USF3: variants seen among roughly 807,000 people sequenced by gnomAD.
USF3 encodes the protein upstream transcription factor family member 3, also known as basic helix-loop-helix domain-containing protein USF3.
USF3 carries 29 observed loss-of-function variants against 157.5 expected under a neutral mutation model. That is an observed-to-expected ratio of 0.18 (90% CI 0.14 to 0.25). The LOEUF (loss-of-function observed/expected upper bound fraction) is 0.25, where lower values mean the gene tolerates loss of function less well. USF3 is among the 10% of genes least tolerant of loss of function. The probability of loss-of-function intolerance (pLI) is 1.00; values close to 1 mark genes in which losing one functional copy is unlikely to be tolerated. For synonymous variants in USF3, 893 were observed against 941.4 expected (o/e 0.95, Z 0.94); for missense variants, 2,381 against 2,667.6 (o/e 0.89, Z 2.37).
intron 6 of USF3, among the ~76,000 whole-genome samples, chr3:113,662,735 AGCTAACATTTAT>A (rs1286704904): frequency 2.0e-5 from 3 of 152,136 alleles, no homozygotes; most frequent in African/African-American, 7.2e-5. Context: ...CAACTATAAC[AGCTAACATTTAT>A]CAAGCAATTA....
rs551327269 is a variant in USF3, at chr3:113,649,517, G to GT, written c.*5426dup. The GT allele has an allele frequency of 2.1e-3, 547 of 258,430 alleles. 1 individual carries two copies. Among genetic ancestry groups the GT allele is most frequent in the East Asian group, 7.4e-3 (111 of 15,056 alleles). The allele number at this position is 258,430 out of a possible 1,614,324, so 16.0% of individuals were successfully genotyped here. A position where few individuals can be genotyped will look rare whatever the true frequency, so the allele number is the denominator to read the frequency against. On this transcript the variant is annotated 3_prime_UTR_variant, in exon 7 of 7. Transcript: ENST00000316407. ...CTACTAGGTTTTTTTTTTGTTTTTT[G>GT]TTTTTTTTTACAAATCAACATCAAA...
At chr3:113,664,020 AATAAAGGAGAT>A (rs1427760854) in intron 6 of USF3, among the ~76,000 whole-genome samples, 1 of 152,316 alleles carries the variant, frequency 6.6e-6, no homozygotes, top group South Asian at 2.1e-4. Flanking sequence ...GTCCAATTGG[AATAAAGGAGAT>A]TTAGCATTAC....
chr3:113,680,050 TTTC>T (rs1242686234), intron 1 of USF3, among the ~76,000 whole-genome samples: 5 of 147,242 alleles, frequency 3.4e-5, no homozygotes, highest in Non-Finnish European at 6.0e-5. Context: ...GGCCTGTAGT[TTTC>T]TTTTTTTTTT....
intron 1 of USF3, among the ~76,000 whole-genome samples, chr3:113,681,210 C>T (rs1332032800): frequency 6.6e-6 from 1 of 151,846 alleles, no homozygotes; most frequent in African/African-American, 2.4e-5. Context: ...AACTCCTGAC[C>T]CCAGGTGATC....
At position 113,656,011 on chromosome 3, in the gene USF3, T is replaced by C. The variant is rs545320024; in HGVS notation, c.5671A>G (p.Ser1891Gly). The C allele has an allele frequency of 3.7e-6, 6 of 1,614,262 alleles. No individual in the cohort carries two copies. The East Asian group carries it at 8.9e-5, about 24-fold the overall frequency. Residue 1891 changes from serine to glycine, a missense_variant, in exon 7 of 7, where the codon AGC (serine) becomes GGC (glycine). Ser to Gly is a moderately conservative substitution (Grantham distance 56). Transcript: ENST00000316407. ...CTTGAAAAAGGAATATTCAAGGTGC[T>C]GTTCCTGGTGTTAATTGCACCTAAC... ...MSLGAINTRN[S>G]TLNIPFSSSS...
rs1158881040 is a variant in USF3 at position 113,649,080 on chromosome 3, T to C, written c.*5864A>G. 1.3e-5 allele frequency: 2 copies of C among 152,522 alleles called. No individual in the cohort carries two copies. The highest frequency in any genetic ancestry group is 2.4e-5 in the African/African-American group (1 of 41,400). 9.4% of individuals were successfully genotyped at this position (152,522 alleles called of 1,614,324 possible). On this transcript the variant is annotated 3_prime_UTR_variant, in exon 7 of 7. Coordinates refer to ENST00000316407, the MANE Select transcript of USF3 (RefSeq NM_001009899.4). ...AGTGACTTCACAGATGAAAAATGAT[T>C]TGAAGACTTCAGGGGTGGGAGCACA... is the stretch of plus-strand genomic sequence containing the variant.
Position 113,656,109 on chromosome 3 carries a change from C to G in USF3, c.5573G>C (p.Cys1858Ser), listed in dbSNP as rs200916613. ...CGPSSAIEYNCPPTHENVHIR... is the reference protein window; with the variant it reads ...CGPSSAIEYNSPPTHENVHIR... ...ATGGACATTTTCATGAGTTGGGGGA[C>G]AATTATATTCAATTGCAGAGGATGG... Residue 1858 changes from cysteine to serine, a missense_variant, in exon 7 of 7, where the codon TGT becomes TCT. This residue lies in a region of USF3 where 770 missense variants were observed against 824.2 expected (regional missense o/e 0.93). Coordinates refer to ENST00000316407, the MANE Select transcript of USF3 (RefSeq NM_001009899.4). The G allele has an allele frequency of 6.2e-7, 1 of 1,614,100 alleles. No individual in the cohort carries two copies. The highest frequency in any genetic ancestry group is 1.7e-5 in the Admixed American group (1 of 60,014).
At position 113,649,504 on chromosome 3, in the gene USF3, TTTTTTG is replaced by T; in HGVS notation, c.*5434_*5439del. ...AACAGGAGTTTTGCTACTAGGTTTT[TTTTTTG>T]TTTTTTGTTTTTTTTTACAAATCAA... On this transcript the variant is annotated 3_prime_UTR_variant, in exon 7 of 7. Transcript: ENST00000316407. 4.0e-6 allele frequency: 1 copy of T among 247,022 alleles called. No homozygotes were observed. Among genetic ancestry groups the T allele is most frequent in the South Asian group, 1.6e-4 (1 of 6,066 alleles). The allele number at this position is 247,022 out of a possible 1,614,324, so 15.3% of individuals were successfully genotyped here.
chr3:113,685,325 G>C (rs1707523500), intron 1 of USF3, among the ~76,000 whole-genome samples: 1 of 152,090 alleles, frequency 6.6e-6, no homozygotes, highest in South Asian at 2.1e-4. Flanking sequence ...ATTGGGTTTC[G>C]CCCAAGGCCT....
intron 5 of USF3, among the ~76,000 whole-genome samples, chr3:113,668,496 T>C (rs866978048): frequency 2.6e-5 from 4 of 152,082 alleles, no homozygotes. Flanking sequence ...TGATATGTTT[T>C]AGTTCCACAA....
rs569615694 is a variant in USF3, at chr3:113,680,431, C to T, written c.-134-3034G>A. 2.0e-5 allele frequency among the ~76,000 whole-genome samples: 3 copies of T among 151,800 alleles called. No individual in the cohort carries two copies. The East Asian group carries it at 5.8e-4, about 29-fold the overall frequency. On this transcript the variant is annotated intron_variant, in intron 1 of 6. Transcript: ENST00000316407. Reference sequence around the variant, plus strand: ...TGATCCTTTGAATTTCTGTGGTATCCAATGTACTGTCTACTTTTTCATTTT... The same window carrying T: ...TGATCCTTTGAATTTCTGTGGTATCTAATGTACTGTCTACTTTTTCATTTT...
chr3:113,659,337 T>C lies in USF3; in HGVS notation c.2345A>G (p.Asn782Ser). 6.2e-7 allele frequency: 1 copy of C among 1,614,242 alleles called. No individual in the cohort carries two copies. The highest frequency in any genetic ancestry group is 8.5e-7 in the Non-Finnish European group (1 of 1,180,030). Residue 782 changes from asparagine to serine, a missense_variant, in exon 7 of 7, where the codon AAC becomes AGC. By Grantham distance (46) the Asn-to-Ser change is conservative (BLOSUM62 1). Coordinates refer to ENST00000316407, the MANE Select transcript of USF3 (RefSeq NM_001009899.4). ...TYNLVSTSSM[N>S]TVACLPNMKS... ...CATGTTAGGCAAACAAGCAACAGTG[T>C]TCATTGAGGAAGTACTCACTAGATT...
At chr3:113,668,881 A>T (rs1707075175) in intron 5 of USF3, among the ~76,000 whole-genome samples, 3 of 152,172 alleles carry the variant, frequency 2.0e-5, no homozygotes, top group Admixed American at 1.3e-4. Context: ...CAACTGGTTG[A>T]GAATGAAAAA....
In USF3 at chr3:113,660,292, TAGTACCAGACTC is replaced by T. The variant is rs1197479341; in HGVS notation, c.1378_1389del (p.Glu460_Thr463del). The T allele has an allele frequency of 6.2e-7, 1 of 1,614,102 alleles. No homozygotes were observed. The highest frequency in any genetic ancestry group is 1.3e-5 in the African/African-American group (1 of 74,942). ...CTACTGTGGTTGCTTGTGGTGGGGC[TAGTACCAGACTC>T]ATTTAATACTGGAGTCACAGCAGAA... On this transcript the variant is annotated inframe_deletion, in exon 7 of 7. Coordinates refer to ENST00000316407, the MANE Select transcript of USF3 (RefSeq NM_001009899.4).
At position 113,659,589 on chromosome 3, in the gene USF3, T is replaced by A; in HGVS notation, c.2093A>T (p.Asp698Val). Residue 698 changes from aspartate to valine, a missense_variant, in exon 7 of 7, where the codon GAT becomes GTT. By Grantham distance (152) the Asp-to-Val change is radical. Transcript: ENST00000316407. ...MQIIQPTTSEDPNTNVALNTF... is the reference protein window; with the variant it reads ...MQIIQPTTSEVPNTNVALNTF... ...ATTCAGGGCAACATTGGTATTTGGA[T>A]CTTCGCTGGTGGTGGGTTGAATAAT... 1 of 1,614,050 alleles carries A rather than the reference T, an allele frequency of 6.2e-7. No homozygotes were observed. The highest frequency in any genetic ancestry group is 8.5e-7 in the Non-Finnish European group (1 of 1,179,878).
rs1172969976 is a variant in USF3 at position 113,660,889 on chromosome 3, G to A, written c.793C>T (p.Pro265Ser). The A allele has an allele frequency of 2.2e-5, 36 of 1,614,098 alleles. No homozygotes were observed. The highest frequency in any genetic ancestry group is 3.1e-5 in the Non-Finnish European group (36 of 1,179,976). ...GTGTGCAAAGAATGATGTTGGTGAG[G>A]CTCAGATTCAATTGAAACAGCAATC... ...SLIAVSIESE[P>S]HQHHSLHTCL... Residue 265 changes from proline to serine, a missense_variant, in exon 7 of 7, where the codon CCT (proline) becomes TCT (serine). Pro to Ser is a moderately conservative substitution (Grantham distance 74). This residue lies in a region of USF3 where 1,435 missense variants were observed against 1,550.9 expected (regional missense o/e 0.93). Coordinates refer to ENST00000316407, the MANE Select transcript of USF3 (RefSeq NM_001009899.4).
Position 113,654,518 on chromosome 3 carries a change from G to C in USF3, c.*426C>G, listed in dbSNP as rs1330624159. On this transcript the variant is annotated 3_prime_UTR_variant, in exon 7 of 7. Transcript: ENST00000316407. Reference sequence around the variant, plus strand: ...CTGTTCTAGATGCTGACATTAGCCAGCACTTGATTATGAGCCACTGTGTTT... The same window carrying C: ...CTGTTCTAGATGCTGACATTAGCCACCACTTGATTATGAGCCACTGTGTTT... The C allele has an allele frequency of 6.2e-6, 1 of 161,424 alleles. No homozygotes were observed. Among genetic ancestry groups the C allele is most frequent in the Non-Finnish European group, 1.3e-5 (1 of 74,312 alleles). 10.0% of individuals were successfully genotyped at this position (161,424 alleles called of 1,614,324 possible).
intron 5 of USF3, 34 bp from the exon 6 acceptor site, chr3:113,664,443 C>T: frequency 8.3e-7 from 1 of 1,203,850 alleles, no homozygotes; most frequent in Middle Eastern, 2.0e-4. Flanking sequence ...TTACAAGTTT[C>T]ACTGAAGGGT....
Position 113,653,191 on chromosome 3 carries a change from T to C in USF3, c.*1753A>G, listed in dbSNP as rs574011655. 1.9e-4 allele frequency: 32 copies of C among 164,198 alleles called. No homozygotes were observed. The East Asian group carries it at 4.3e-3, about 22-fold the overall frequency. 10.2% of individuals were successfully genotyped at this position (164,198 alleles called of 1,614,324 possible). A position where few individuals can be genotyped will look rare whatever the true frequency, so the allele number is the denominator to read the frequency against. ...AGAATATAACAAGAACAAAAAGTAA[T>C]GGACTTCACAGGTTTAAGAAAAGGA... On this transcript the variant is annotated 3_prime_UTR_variant, in exon 7 of 7. Coordinates refer to ENST00000316407, the MANE Select transcript of USF3 (RefSeq NM_001009899.4).
Sources: allele counts gnomAD v4.1 joint callset (sites outside exome capture counted in the v4.1 genomes callset), GRCh38; gene constraint gnomAD v4.1.1; regional missense constraint gnomAD v4.1.1; transcripts MANE v1.5; gene names NCBI Gene and HGNC (gene_info 2026-07-23, HGNC 2026-07-21).